The following GSE1 variants were observed in gnomAD, a reference collection of about 807,000 sequenced individuals.
The protein encoded by GSE1 is Gse1 coiled-coil protein.
In GSE1, 32 loss-of-function variants were observed where a neutral mutation model predicts 112.6. That is an observed-to-expected ratio of 0.28 (90% CI 0.21 to 0.38). GSE1 has a LOEUF of 0.38. Among genes scored for constraint, GSE1 ranks in the 10% least tolerant of loss-of-function variants. The pLI, the probability that GSE1 is intolerant of heterozygous loss-of-function variation, is 1.00. For synonymous variants in GSE1, 1,115 were observed against 735.6 expected (o/e 1.52, Z -8.35); for missense variants, 2,348 against 1,699.2 (o/e 1.38, Z -6.71).
Position 85,613,327 on chromosome 16 carries a change from A to T in GSE1, c.-65A>T. ...CAGCCCCGGGTGAGATAAGCAGTTT[A>T]GACAAACACTGGGCGACGGTGGCTC... On this transcript the variant is annotated 5_prime_UTR_variant, in exon 1 of 16. Coordinates refer to ENST00000253458, the MANE Select transcript of GSE1 (RefSeq NM_014615.5). 6.4e-7 allele frequency: 1 copy of T among 1,553,684 alleles called. No homozygotes were observed.
intron 1 of GSE1, among the ~76,000 whole-genome samples, chr16:85,624,940 C>T (rs941343480): frequency 2.6e-5 from 4 of 152,152 alleles, no homozygotes; most frequent in African/African-American, 9.7e-5. Flanking sequence ...CTGTTCGCAG[C>T]TTTGCTTTCT....
At chr16:85,258,220 C>A (rs534094829) in intron 1 of GSE1, among the ~76,000 whole-genome samples, 1 of 152,320 alleles carries the variant, frequency 6.6e-6, no homozygotes, top group Non-Finnish European at 1.5e-5. Context: ...GAAGCTCCCC[C>A]AAAACTGTAA....
chr16:85,345,031 A>G (rs2046704619), intron 1 of GSE1, among the ~76,000 whole-genome samples: 2 of 152,156 alleles, frequency 1.3e-5, no homozygotes, highest in South Asian at 4.1e-4. Flanking sequence ...TTTTGCCTAC[A>G]AGAAACTTCC....
At chr16:85,455,108 G>A (rs1361118247) in intron 2 of GSE1, among the ~76,000 whole-genome samples, 1 of 152,238 alleles carries the variant, frequency 6.6e-6, no homozygotes, top group Non-Finnish European at 1.5e-5. Flanking sequence ...GTGATGGCCT[G>A]AGCAGCGCCC....
Position 85,648,672 on chromosome 16 carries a change from G to T in GSE1, c.347G>T (p.Ser116Ile). The change falls in exon 3 of 16, where the codon AGC becomes ATC. Residue 116 changes from serine to isoleucine, a missense_variant. By Grantham distance (142) the Ser-to-Ile change is moderately radical. Transcript: ENST00000253458. ...ATCATCGTCCCCCCTGGGGGCCACA[G>T]CGTGCCCAGCACCCCCCCCGTGGTG... ...GPIIVPPGGH[S>I]VPSTPPVVTI... 1 of 1,604,884 alleles carries T rather than the reference G, an allele frequency of 6.2e-7. No individual in the cohort carries two copies.
At chr16:85,532,129 G>A (rs1472310779) in intron 2 of GSE1, among the ~76,000 whole-genome samples, 4 of 152,180 alleles carry the variant, frequency 2.6e-5, no homozygotes, top group African/African-American at 9.7e-5. Flanking sequence ...TATTGGTTCT[G>A]TATATTAGCT....
At chr16:85,320,612 C>T (rs867255256) in intron 1 of GSE1, among the ~76,000 whole-genome samples, 2 of 152,118 alleles carry the variant, frequency 1.3e-5, no homozygotes, top group Non-Finnish European at 2.9e-5. Context: ...TCTCTTCTTA[C>T]AGAAACACTT....
At chr16:85,617,490 T>G (rs746679701) in intron 1 of GSE1, among the ~76,000 whole-genome samples, 31 of 151,990 alleles carry the variant, frequency 2.0e-4, no homozygotes, top group Non-Finnish European at 3.7e-4. Context: ...GCTGCACTTT[T>G]GAATCACCTG....
intron 3 of GSE1, among the ~76,000 whole-genome samples, chr16:85,649,978 C>T (rs930694236): frequency 5.3e-5 from 8 of 152,178 alleles, no homozygotes; most frequent in South Asian, 2.1e-4. Context: ...CTGGGAGCTC[C>T]GGACTGGGAC....
At chr16:85,448,925 G>A (rs550907971) in intron 2 of GSE1, among the ~76,000 whole-genome samples, 8 of 152,200 alleles carry the variant, frequency 5.3e-5, no homozygotes, top group South Asian at 2.1e-4. Context: ...ATCTCTACGC[G>A]CAGCAATTGA....
At chr16:85,179,159 C>T (rs1013191869) in intron 1 of GSE1, among the ~76,000 whole-genome samples, 4 of 152,124 alleles carry the variant, frequency 2.6e-5, no homozygotes, top group South Asian at 2.1e-4. Context: ...AGTCAATCCC[C>T]GTCGCCTCCT....
At chr16:85,241,508 T>C (rs1036749855) in intron 1 of GSE1, among the ~76,000 whole-genome samples, 4 of 152,224 alleles carry the variant, frequency 2.6e-5, no homozygotes, top group African/African-American at 9.7e-5. Context: ...GGTTATTTTT[T>C]TTCAGAAAGC....
intron 2 of GSE1, among the ~76,000 whole-genome samples, chr16:85,636,771 A>C (rs889506): frequency 0.25 from 37,620 of 151,842 alleles, 4,707 homozygotes; most frequent in Admixed American, 0.27. Flanking sequence ...AGCCCCCCTC[A>C]CCCCTAGCAC....
chr16:85,236,272 C>A (rs1320543648), intron 1 of GSE1, among the ~76,000 whole-genome samples: 1 of 152,186 alleles, frequency 6.6e-6, no homozygotes, highest in Non-Finnish European at 1.5e-5. Context: ...TTGGCTGGCC[C>A]CCGTGGTGCG....
intron 1 of GSE1, among the ~76,000 whole-genome samples, chr16:85,589,643 GTGTA>G (rs746176187): frequency 1.1e-4 from 16 of 152,216 alleles, no homozygotes; most frequent in South Asian, 2.1e-4. Flanking sequence ...GTCAGTGAAT[GTGTA>G]TGTGTGACGT....
chr16:85,220,005 G>A (rs1292121526), intron 1 of GSE1, among the ~76,000 whole-genome samples: 6 of 152,226 alleles, frequency 3.9e-5, no homozygotes, highest in Non-Finnish European at 8.8e-5. Context: ...TGCTTCAGGT[G>A]GGCGCTCCCT....
intron 1 of GSE1, among the ~76,000 whole-genome samples, chr16:85,573,106 C>T (rs570367195): frequency 5.9e-5 from 9 of 152,280 alleles, no homozygotes; most frequent in Non-Finnish European, 8.8e-5. Context: ...TCAGGTGATC[C>T]GCCCGCCTCG....
chr16:85,471,160 C>G (rs2050282286), intron 2 of GSE1, among the ~76,000 whole-genome samples: 1 of 152,216 alleles, frequency 6.6e-6, no homozygotes, highest in Non-Finnish European at 1.5e-5. Context: ...AGCCCGACCC[C>G]TGCCCAGAGA....
upstream of GSE1, among the ~76,000 whole-genome samples, chr16:85,612,953 C>A (rs1174820913): frequency 2.0e-5 from 3 of 152,178 alleles, no homozygotes; most frequent in Non-Finnish European, 4.4e-5. Context: ...CCACCAAGGT[C>A]CCCGGGACCC....
Sources: allele counts gnomAD v4.1 joint callset (sites outside exome capture counted in the v4.1 genomes callset), GRCh38; gene constraint gnomAD v4.1.1; transcripts MANE v1.5; gene names NCBI Gene and HGNC (gene_info 2026-07-23, HGNC 2026-07-21).